The following GHR variants were observed in gnomAD, a reference collection of about 807,000 sequenced individuals.
The protein encoded by GHR is growth hormone receptor.
Under a neutral mutation model 67.1 loss-of-function variants are expected in GHR, and 35 were observed. That is an observed-to-expected ratio of 0.52 (90% confidence interval 0.40 to 0.69). The LOEUF (loss-of-function observed/expected upper bound fraction) is 0.69, where lower values mean the gene tolerates loss of function less well. GHR is among the 30% of genes least tolerant of loss of function. GHR has a pLI of 0.00. For synonymous variants in GHR, 272 were observed against 269.1 expected, an observed-to-expected ratio of 1.01 and a Z score of -0.10; for missense variants, 792 against 764.6, an observed-to-expected ratio of 1.04 and a Z score of -0.42.
intron 3 of GHR, among the ~76,000 whole-genome samples, chr5:42,676,529 T>G (rs763927621): frequency 8.5e-5 from 13 of 152,156 alleles, no homozygotes; most frequent in Admixed American, 2.6e-4. Context: ...GCCAGTAGCC[T>G]ATACTATTTT....
chr5:42,684,281 G>T (rs1370679698), intron 3 of GHR, among the ~76,000 whole-genome samples: 2 of 152,174 alleles, frequency 1.3e-5, no homozygotes, highest in Admixed American at 1.3e-4. Flanking sequence ...GCTTGGGAAG[G>T]TCAACGTTAA....
At position 42,695,008 on chromosome 5, in the gene GHR, T is replaced by A. The variant is rs185386421; in HGVS notation, c.358T>A (p.Ser120Thr). The A allele has an allele frequency of 6.2e-7, 1 of 1,608,382 alleles. No individual in the cohort carries two copies. Among genetic ancestry groups the A allele is most frequent in the East Asian group, 2.2e-5 (1 of 44,836 alleles). Residue 120 changes from serine to threonine, a missense_variant, in exon 5 of 10, where the codon TCC (serine) becomes ACC (threonine). Ser to Thr is a moderately conservative substitution (Grantham distance 58, BLOSUM62 1). Coordinates refer to ENST00000230882, the MANE Select transcript of GHR (RefSeq NM_000163.5). ...CTGTTACTTTAATTCATCGTTTACC[T>A]CCATCTGGATACCTTATTGTATCAA... ...NSCYFNSSFT[S>T]IWIPYCIKLT...
At chr5:42,563,343 G>A (rs1224026288) in intron 1 of GHR, among the ~76,000 whole-genome samples, 1 of 151,958 alleles carries the variant, frequency 6.6e-6, no homozygotes, top group Non-Finnish European at 1.5e-5. Flanking sequence ...GGCTGGGCAC[G>A]GTGGCTCATA....
In GHR at chr5:42,496,377, AT is replaced by A. The variant is rs568230274; in HGVS notation, c.-11-69476del. 7.9e-3 allele frequency among the ~76,000 whole-genome samples: 1,176 copies of A among 149,242 alleles called. 16 individuals carry two copies. Among genetic ancestry groups the A allele is most frequent in the African/African-American group, 0.022 (894 of 40,846 alleles). ...GGAGAAGGTTTAGCAAATTGGAGCA[AT>A]TTTTTTTTTTAAATCTTGGTGCAGC... On this transcript the variant is annotated intron_variant, in intron 1 of 9. Transcript: ENST00000230882.
intron 3 of GHR, among the ~76,000 whole-genome samples, chr5:42,674,570 T>C (rs1756476998): frequency 6.6e-6 from 1 of 152,222 alleles, no homozygotes; most frequent in African/African-American, 2.4e-5. Context: ...TGTATGTGAC[T>C]ATTCTTAACA....
intron 2 of GHR, among the ~76,000 whole-genome samples, chr5:42,576,074 TA>T (rs1175265079): frequency 3.1e-4 from 26 of 83,896 alleles, no homozygotes; most frequent in African/African-American, 1.8e-3. Flanking sequence ...TAAAATAAAA[TA>T]AAATAAAATA....
At chr5:42,429,353 G>T (rs1162569898) in intron 1 of GHR, among the ~76,000 whole-genome samples, 1 of 152,186 alleles carries the variant, frequency 6.6e-6, no homozygotes, top group East Asian at 1.9e-4. Flanking sequence ...GACACATGGG[G>T]ATTATGGTAG....
At chr5:42,603,219 C>T (rs924208888) in intron 2 of GHR, among the ~76,000 whole-genome samples, 2 of 151,960 alleles carry the variant, frequency 1.3e-5, no homozygotes, top group Non-Finnish European at 2.9e-5. Flanking sequence ...GCAGAAAAAT[C>T]GTCTGATAAT....
intron 1 of GHR, among the ~76,000 whole-genome samples, chr5:42,481,140 C>T (rs1745613146): frequency 6.6e-6 from 1 of 152,084 alleles, no homozygotes; most frequent in Non-Finnish European, 1.5e-5. Context: ...TTCTCCTTCA[C>T]TTATGAAGCT....
At chr5:42,654,375 TC>T (rs760412314) in intron 3 of GHR, among the ~76,000 whole-genome samples, 30 of 152,262 alleles carry the variant, frequency 2.0e-4, no homozygotes, top group Non-Finnish European at 4.0e-4. Context: ...CAAATGCATG[TC>T]CCGAAAGACC....
At chr5:42,470,273 A>C (rs1185249363) in intron 1 of GHR, among the ~76,000 whole-genome samples, 1 of 146,600 alleles carries the variant, frequency 6.8e-6, no homozygotes, top group Non-Finnish European at 1.5e-5. Flanking sequence ...TATTATCTAT[A>C]TAGTAAATAT....
rs553619078 is a variant in GHR, at chr5:42,424,438, C to T, written c.-12+483C>T. 16 of 646,782 alleles carry T rather than the reference C, an allele frequency of 2.5e-5. No homozygotes were observed. The East Asian group carries it at 4.1e-4, about 17-fold the overall frequency. 40.1% of individuals were successfully genotyped at this position (646,782 alleles called of 1,614,324 possible). A position where few individuals can be genotyped will look rare whatever the true frequency, so the allele number is the denominator to read the frequency against. On this transcript the variant is annotated intron_variant, in intron 1 of 9. Coordinates refer to ENST00000230882, the MANE Select transcript of GHR (RefSeq NM_000163.5). This position sits in a 1 kb window ranked among gnomAD's most constrained non-coding sequence, Gnocchi z 4.1. The stretch of plus-strand genomic sequence containing the variant: ...GCTGCTGTTGCGCGGGGAAGAATCC[C>T]CGGCAGCGCGACTGGAGAGACTGGG...
intron 1 of GHR, among the ~76,000 whole-genome samples, chr5:42,521,053 C>A (rs963799755): frequency 6.6e-6 from 1 of 152,252 alleles, no homozygotes; most frequent in East Asian, 1.9e-4. Flanking sequence ...AAGTAGGAAA[C>A]CTTTACCACT....
intron 2 of GHR, among the ~76,000 whole-genome samples, chr5:42,580,674 A>T (rs1019059680): frequency 6.6e-6 from 1 of 152,346 alleles, no homozygotes; most frequent in Admixed American, 6.5e-5. Flanking sequence ...TCAAGCAGTT[A>T]CTGTCAGAGG....
At chr5:42,598,525 T>C (rs975933985) in intron 2 of GHR, among the ~76,000 whole-genome samples, 7 of 152,194 alleles carry the variant, frequency 4.6e-5, no homozygotes, top group Non-Finnish European at 1.0e-4. Context: ...AACATGTTCT[T>C]AAAAGGAATG....
At chr5:42,702,082 C>T (rs1161141003) in intron 6 of GHR, among the ~76,000 whole-genome samples, 6 of 152,194 alleles carry the variant, frequency 3.9e-5, no homozygotes. Flanking sequence ...AAAATCTACT[C>T]AGAGATTTTC....
chr5:42,567,496 G>A (rs2112483258), intron 2 of GHR, among the ~76,000 whole-genome samples: 1 of 152,170 alleles, frequency 6.6e-6, no homozygotes, highest in Admixed American at 6.5e-5. Context: ...TGTTCAGGGA[G>A]AGCAGAATAT....
intron 3 of GHR, among the ~76,000 whole-genome samples, chr5:42,659,650 G>T (rs187753313): frequency 1.7e-3 from 264 of 152,328 alleles, no homozygotes; most frequent in Non-Finnish European, 3.2e-3. Context: ...AATAGGAACA[G>T]CTCCGGTCTA....
intron 2 of GHR, among the ~76,000 whole-genome samples, chr5:42,613,948 A>G (rs2112683223): frequency 6.6e-6 from 1 of 152,214 alleles, no homozygotes; most frequent in Non-Finnish European, 1.5e-5. Flanking sequence ...TCACAAGTCC[A>G]TTGACTGTTG....
Sources: allele counts gnomAD v4.1 joint callset (sites outside exome capture counted in the v4.1 genomes callset), GRCh38; gene constraint gnomAD v4.1.1; non-coding constraint Gnocchi (gnomAD v3.1); transcripts MANE v1.5; gene names NCBI Gene and HGNC (gene_info 2026-07-23, HGNC 2026-07-21).